Variants in KLF12 observed in about 807,000 individuals in gnomAD.
KLF12 encodes KLF transcription factor 12.
A neutral mutation model predicts 37.8 loss-of-function variants in KLF12; 9 were observed. That is an observed-to-expected ratio of 0.24 (90% CI 0.14 to 0.42). KLF12 has a LOEUF of 0.42. KLF12 is among the 10% of genes least tolerant of loss of function. The pLI, the probability that KLF12 is intolerant of heterozygous loss-of-function variation, is 1.00. For synonymous variants in KLF12, 208 were observed against 202.1 expected, an observed-to-expected ratio of 1.03 and a Z score of -0.25; for missense variants, 411 against 516.0, an observed-to-expected ratio of 0.80 and a Z score of 1.97.
At chr13:73,897,782 C>T (rs144828487) in intron 3 of KLF12, among the ~76,000 whole-genome samples, 2 of 152,320 alleles carry the variant, frequency 1.3e-5, no homozygotes, top group African/African-American at 4.8e-5. Flanking sequence ...TACTTATCAG[C>T]AATCTTTCTA....
At chr13:73,823,000 A>G (rs1477412556) in intron 4 of KLF12, among the ~76,000 whole-genome samples, 1 of 152,180 alleles carries the variant, frequency 6.6e-6, no homozygotes, top group Non-Finnish European at 1.5e-5. Flanking sequence ...AATAATAATA[A>G]AGTGATTTTG....
At chr13:74,019,417 C>A (rs1304692665) in intron 1 of KLF12, among the ~76,000 whole-genome samples, 4 of 152,182 alleles carry the variant, frequency 2.6e-5, no homozygotes, top group African/African-American at 9.7e-5. Context: ...TAAGCATATT[C>A]ATTATAAATC....
chr13:73,854,096 A>T (rs1203581060), intron 3 of KLF12, among the ~76,000 whole-genome samples: 2 of 152,234 alleles, frequency 1.3e-5, no homozygotes, highest in African/African-American at 4.8e-5. Context: ...TTATAGGGTT[A>T]TCTTTTCCTC....
At chr13:74,112,700 T>C (rs1180917089) in intron 1 of KLF12, among the ~76,000 whole-genome samples, 1 of 152,110 alleles carries the variant, frequency 6.6e-6, no homozygotes, top group Non-Finnish European at 1.5e-5. Flanking sequence ...AATTCCTTCA[T>C]CTCTCTCCCG....
chr13:73,747,484 C>T (rs148894551), intron 6 of KLF12, among the ~76,000 whole-genome samples: 9 of 152,236 alleles, frequency 5.9e-5, no homozygotes, highest in African/African-American at 2.2e-4. Flanking sequence ...ATTGAGTTAA[C>T]CTAGCTCTCA....
At chr13:73,767,710 G>A (rs1594067907) in intron 5 of KLF12, among the ~76,000 whole-genome samples, 2 of 152,264 alleles carry the variant, frequency 1.3e-5, no homozygotes, top group South Asian at 2.1e-4. Flanking sequence ...CCAGTGCAGA[G>A]CTTAATTTAG....
intron 3 of KLF12, among the ~76,000 whole-genome samples, chr13:73,891,051 A>G (rs1887481563): frequency 6.6e-6 from 1 of 152,156 alleles, no homozygotes; most frequent in Admixed American, 6.5e-5. Flanking sequence ...AATGTTGAAG[A>G]TTAAAAAAAA....
the KLF12 span, chr13:74,289,217 T>C: frequency 5.3e-5 from 8 of 152,250 alleles, no homozygotes; most frequent in South Asian, 1.7e-3. Context: ...GTCCAGCCAG[T>C]TAAAAGGAAT....
the KLF12 span, among the ~76,000 whole-genome samples, chr13:74,261,274 A>G: frequency 5.3e-5 from 8 of 152,340 alleles, no homozygotes; most frequent in African/African-American, 1.9e-4. Flanking sequence ...TGGTATAAAT[A>G]TAATTAGAGA....
At chr13:74,182,808 A>G in the KLF12 span, among the ~76,000 whole-genome samples, 1 of 152,168 alleles carries the variant, frequency 6.6e-6, no homozygotes, top group Non-Finnish European at 1.5e-5. Flanking sequence ...ATGTCAGACA[A>G]GTTTGGGAAA....
chr13:73,703,620 T>C (rs981141907), intron 7 of KLF12, among the ~76,000 whole-genome samples: 2 of 152,232 alleles, frequency 1.3e-5, no homozygotes, highest in Non-Finnish European at 2.9e-5. Context: ...ATAAAAATTA[T>C]ATTTGCTAAA....
chr13:74,043,806 C>T (rs1038238575), intron 1 of KLF12, among the ~76,000 whole-genome samples: 2 of 152,136 alleles, frequency 1.3e-5, no homozygotes, highest in African/African-American at 4.8e-5. Context: ...TAGGCAGGTC[C>T]TCACAGCAAT....
In KLF12 at chr13:73,931,077, C is replaced by G. The variant is rs533770535; in HGVS notation, c.123+12904G>C. On this transcript the variant is annotated intron_variant, in intron 3 of 7. Coordinates refer to ENST00000377669, the MANE Select transcript of KLF12 (RefSeq NM_007249.5). ...TTCTCCATGTTGGTCAGGCTGGTCT[C>G]AAACTCCCAACCTCAGGTGATCCAC... Among the ~76,000 whole-genome samples the G allele has an allele frequency of 2.0e-5, 3 of 152,078 alleles. No individual in the cohort carries two copies. The South Asian group carries it at 6.2e-4, about 32-fold the overall frequency.
intron 2 of KLF12, among the ~76,000 whole-genome samples, chr13:73,979,396 C>CAT (rs1891631685): frequency 6.6e-6 from 1 of 151,138 alleles, no homozygotes; most frequent in Middle Eastern, 3.4e-3. Flanking sequence ...CACACACACA[C>CAT]ACAAATCATG....
At chr13:74,041,450 T>C (rs1455102802) in intron 1 of KLF12, among the ~76,000 whole-genome samples, 1 of 152,178 alleles carries the variant, frequency 6.6e-6, no homozygotes, top group Non-Finnish European at 1.5e-5. Context: ...TAAATATTTA[T>C]CAAATGAAAC....
chr13:73,703,504 G>A (rs1170846241), intron 7 of KLF12, among the ~76,000 whole-genome samples: 1 of 152,058 alleles, frequency 6.6e-6, no homozygotes, highest in East Asian at 1.9e-4. Context: ...TGAATTGCCT[G>A]GACTGAATTA....
At position 73,930,778 on chromosome 13, in the gene KLF12, A is replaced by G. The variant is rs138237583; in HGVS notation, c.123+13203T>C. On this transcript the variant is annotated intron_variant, in intron 3 of 7. Transcript: ENST00000377669. ...TGACAGTAGCAATTTTTTCCTGATA[A>G]TAAAGTAATAAAGCACAGCATTACT... 9.6e-3 allele frequency among the ~76,000 whole-genome samples: 1,456 copies of G among 152,234 alleles called. 37 individuals are homozygous for G. The highest frequency in any genetic ancestry group is 0.032 in the African/African-American group (1,344 of 41,530).
chr13:73,699,273 G>A (rs1042034188), intron 7 of KLF12, among the ~76,000 whole-genome samples: 5 of 147,220 alleles, frequency 3.4e-5, no homozygotes, highest in African/African-American at 5.0e-5. Context: ...CAGCCCCAGC[G>A]ATTCGGGAAG....
intron 3 of KLF12, among the ~76,000 whole-genome samples, chr13:73,878,698 A>G (rs77929787): frequency 8.2e-6 from 1 of 121,314 alleles, no homozygotes; most frequent in East Asian, 2.6e-4. Context: ...AGGAGGTGCT[A>G]CTGAGATTGG....
Sources: allele counts gnomAD v4.1 joint callset (sites outside exome capture counted in the v4.1 genomes callset), GRCh38; gene constraint gnomAD v4.1.1; transcripts MANE v1.5; gene names NCBI Gene and HGNC (gene_info 2026-07-23, HGNC 2026-07-21).